Variants in CDH12 observed in about 807,000 individuals in gnomAD.
CDH12 encodes the protein cadherin-12.
Under a neutral mutation model 74.1 loss-of-function variants are expected in CDH12, and 41 were observed. That is an observed-to-expected ratio of 0.55 (90% confidence interval 0.43 to 0.72). The LOEUF (loss-of-function observed/expected upper bound fraction) is 0.72. Ranked by LOEUF, CDH12 falls within the 30% of genes least tolerant of loss-of-function variation. CDH12 has a pLI of 0.00. For synonymous variants in CDH12, 399 were observed against 355.0 expected, an observed-to-expected ratio of 1.12 and a Z score of -1.39; for missense variants, 945 against 977.2, an observed-to-expected ratio of 0.97 and a Z score of 0.44.
At position 22,397,954 on chromosome 5, in the gene CDH12, C is replaced by A. The variant is rs549636655; in HGVS notation, c.-333+7303G>T. Among the ~76,000 whole-genome samples, 52 of 152,134 alleles carry A rather than the reference C, an allele frequency of 3.4e-4. 3 individuals are homozygous for A. The South Asian group carries it at 8.9e-3, about 26-fold the overall frequency. On this transcript the variant is annotated intron_variant, in intron 3 of 14. Transcript: ENST00000382254. ...GAGACCTCAGAAGAAATAAACCCTG[C>A]TGACACCTTGATCTTGGAATTCTAG...
chr5:22,493,412 G>C (rs1011937511), intron 2 of CDH12, among the ~76,000 whole-genome samples: 8 of 152,096 alleles, frequency 5.3e-5, no homozygotes, highest in African/African-American at 1.7e-4. Flanking sequence ...GAAATATATT[G>C]AGAAAAATTT....
chr5:22,505,241 T>C (rs1736334933), intron 2 of CDH12, 29 bp downstream of exon 2: 3 of 751,434 alleles, frequency 4.0e-6, no homozygotes, highest in Non-Finnish European at 3.2e-6. Flanking sequence ...GGTAAAAGCA[T>C]ATATCTTGAT....
Position 22,492,535 on chromosome 5 carries a change from C to T in CDH12, c.-428+12735G>A, listed in dbSNP as rs569594088. Among the ~76,000 whole-genome samples the T allele has an allele frequency of 4.1e-3, 621 of 151,938 alleles. 4 individuals carry two copies. Among genetic ancestry groups the T allele is most frequent in the Non-Finnish European group, 6.8e-3 (463 of 67,964 alleles). The stretch of plus-strand genomic sequence containing the variant: ...GCTAATTTTGTATTTTTAGTAGAGA[C>T]AGGGTTTCATCATGTTGGTCAGGCT... On this transcript the variant is annotated intron_variant, in intron 2 of 14. Coordinates refer to ENST00000382254, the MANE Select transcript of CDH12 (RefSeq NM_004061.5).
chr5:21,910,151 T>G (rs1181903004), intron 6 of CDH12, among the ~76,000 whole-genome samples: 1 of 152,084 alleles, frequency 6.6e-6, no homozygotes, highest in Non-Finnish European at 1.5e-5. Flanking sequence ...ATGTGGAAAA[T>G]GTGTATGTAT....
chr5:22,123,049 A>C (rs1745617988), intron 4 of CDH12, among the ~76,000 whole-genome samples: 1 of 152,194 alleles, frequency 6.6e-6, no homozygotes, highest in African/African-American at 2.4e-5. Flanking sequence ...CCTTAAAATA[A>C]ATCCATATGT....
intron 1 of CDH12, among the ~76,000 whole-genome samples, chr5:22,530,009 A>T (rs1737515997): frequency 6.6e-6 from 1 of 152,190 alleles, no homozygotes; most frequent in South Asian, 2.1e-4. Flanking sequence ...AATTAAGCTT[A>T]GGATTCCAGT....
At chr5:22,420,748 T>A (rs1307371619) in intron 2 of CDH12, among the ~76,000 whole-genome samples, 1 of 152,186 alleles carries the variant, frequency 6.6e-6, no homozygotes, top group African/African-American at 2.4e-5. Context: ...GGTAGTTTAA[T>A]GGGAATATCA....
At chr5:22,293,660 C>A (rs189496384) in intron 3 of CDH12, among the ~76,000 whole-genome samples, 35 of 151,978 alleles carry the variant, frequency 2.3e-4, no homozygotes, top group African/African-American at 8.2e-4. Context: ...ACTATTCAGC[C>A]ATAAAAAAGA....
chr5:22,211,467 ATTAT>A (rs1193478551), intron 4 of CDH12, among the ~76,000 whole-genome samples: 1 of 152,138 alleles, frequency 6.6e-6, no homozygotes, highest in Admixed American at 6.5e-5. Context: ...TAGTGATATA[ATTAT>A]TTAATTACTC....
At chr5:22,274,828 G>C (rs997770707) in intron 3 of CDH12, among the ~76,000 whole-genome samples, 1 of 151,944 alleles carries the variant, frequency 6.6e-6, no homozygotes, top group Non-Finnish European at 1.5e-5. Context: ...TATTTTAAAA[G>C]TTATATGCAT....
chr5:21,816,917 T>C, intron 9 of CDH12, 28 bp downstream of exon 9: 2 of 1,359,656 alleles, frequency 1.5e-6, no homozygotes, highest in Non-Finnish European at 2.0e-6. Flanking sequence ...TATTTAGTAG[T>C]CAACTGTCCC....
intron 1 of CDH12, among the ~76,000 whole-genome samples, chr5:22,658,143 T>A (rs1164343826): frequency 6.6e-6 from 1 of 152,142 alleles, no homozygotes. Context: ...GTGGGCAAAG[T>A]TTTTGTTTTA....
chr5:22,605,223 G>A (rs1040489565), intron 1 of CDH12, among the ~76,000 whole-genome samples: 3 of 152,160 alleles, frequency 2.0e-5, no homozygotes, highest in Admixed American at 6.5e-5. Flanking sequence ...CCGAGGCGTG[G>A]AGCCTGCCTG....
intron 1 of CDH12, among the ~76,000 whole-genome samples, chr5:22,679,960 C>G (rs1418409079): frequency 6.6e-6 from 1 of 152,116 alleles, no homozygotes. Context: ...TCTGAGCATT[C>G]ATTGCCTCAT....
intron 3 of CDH12, among the ~76,000 whole-genome samples, chr5:22,267,188 A>G (rs1393151508): frequency 6.6e-6 from 1 of 152,190 alleles, no homozygotes; most frequent in East Asian, 1.9e-4. Context: ...GCAAAGAAAA[A>G]ATAAAAATAT....
rs1750471917 is a variant in CDH12, at chr5:22,194,184, G to T, written c.-187+18314C>A. On this transcript the variant is annotated intron_variant, in intron 4 of 14. Coordinates refer to ENST00000382254, the MANE Select transcript of CDH12 (RefSeq NM_004061.5). ...GGCCCCTAGCCAATGGTAAATAGGGGTTAACAGAGATGGAACATTCAGGTA... is the reference window on the plus strand; with the variant it reads ...GGCCCCTAGCCAATGGTAAATAGGGTTTAACAGAGATGGAACATTCAGGTA... Among the ~76,000 whole-genome samples the T allele has an allele frequency of 2.0e-5, 3 of 152,218 alleles. No individual in the cohort carries two copies. The South Asian group carries it at 6.2e-4, about 32-fold the overall frequency.
chr5:21,756,220 TAAG>T (rs1446361625), intron 13 of CDH12, among the ~76,000 whole-genome samples: 1 of 152,096 alleles, frequency 6.6e-6, no homozygotes, highest in Non-Finnish European at 1.5e-5. Flanking sequence ...TTATCTCAAA[TAAG>T]AACCTATTCT....
intron 1 of CDH12, among the ~76,000 whole-genome samples, chr5:22,542,043 G>C (rs891563669): frequency 5.3e-5 from 8 of 152,138 alleles, no homozygotes; most frequent in African/African-American, 1.9e-4. Context: ...TCACTTTCCT[G>C]AGTTTTAAAT....
At chr5:22,106,026 T>C (rs374033943) in intron 4 of CDH12, among the ~76,000 whole-genome samples, 1 of 152,340 alleles carries the variant, frequency 6.6e-6, no homozygotes, top group East Asian at 1.9e-4. Flanking sequence ...TGTGGAATAC[T>C]ATTGCCATAG....
Sources: gnomAD v4.1 joint callset for allele counts (sites outside exome capture counted in the v4.1 genomes callset) on GRCh38, gnomAD v4.1.1 for gene constraint, MANE v1.5 for transcripts, NCBI Gene and HGNC (gene_info 2026-07-23, HGNC 2026-07-21) for gene names.